Variants in DENND2B observed in about 807,000 individuals in gnomAD.
The protein encoded by DENND2B is DENN domain-containing protein 2B.
In DENND2B, 32 loss-of-function variants were observed where a neutral mutation model predicts 116.0. The observed-to-expected ratio is 0.28, with a 90% CI of 0.21 to 0.37. DENND2B has a LOEUF of 0.37. Among genes scored for constraint, DENND2B ranks in the 10% least tolerant of loss-of-function variants. The pLI is 1.00. For synonymous variants in DENND2B, 588 were observed against 583.9 expected, an observed-to-expected ratio of 1.01 and a Z score of -0.10; for missense variants, 1,276 against 1,477.7, an observed-to-expected ratio of 0.86 and a Z score of 2.24.
At chr11:8,743,542 C>A (rs2050638243) in intron 2 of DENND2B, among the ~76,000 whole-genome samples, 1 of 151,754 alleles carries the variant, frequency 6.6e-6, no homozygotes, top group African/African-American at 2.4e-5. Context: ...AGAGTGAGAC[C>A]CTGTCTCAAA....
At chr11:8,765,587 A>G (rs1017725123) in intron 1 of DENND2B, among the ~76,000 whole-genome samples, 3 of 152,368 alleles carry the variant, frequency 2.0e-5, no homozygotes, top group South Asian at 2.1e-4. Flanking sequence ...GCACTAATCA[A>G]TCTGGTTCCA....
At chr11:8,832,078 G>C (rs2653591) in intron 4 of DENND2B, 2 of 152,022 alleles carry the variant, frequency 1.3e-5, no homozygotes, top group Admixed American at 1.3e-4. Flanking sequence ...CGACTGAGCC[G>C]ACTGTCTCTC....
chr11:8,774,767 C>T (rs1456321944), intron 1 of DENND2B, among the ~76,000 whole-genome samples: 1 of 152,170 alleles, frequency 6.6e-6, no homozygotes, highest in African/African-American at 2.4e-5. Context: ...GACACCTTGC[C>T]TCTTGTCTAT....
intron 14 of DENND2B, among the ~76,000 whole-genome samples, chr11:8,701,379 T>C (rs1423896231): frequency 8.0e-6 from 1 of 124,788 alleles, no homozygotes; most frequent in African/African-American, 3.1e-5. Context: ...ATGAATGACA[T>C]GCCTGGTCAA....
chr11:8,818,715 G>A (rs1294420361), intron 4 of DENND2B, among the ~76,000 whole-genome samples: 1 of 152,204 alleles, frequency 6.6e-6, no homozygotes, highest in East Asian at 1.9e-4. Context: ...ATTCTTTAGA[G>A]AAAGAACTAT....
At chr11:8,742,778 G>A (rs1427043641) in intron 2 of DENND2B, among the ~76,000 whole-genome samples, 2 of 152,228 alleles carry the variant, frequency 1.3e-5, no homozygotes. Context: ...CTTCCAGATT[G>A]TGGTGGCTGG....
chr11:8,841,428 C>T (rs2062620927), intron 3 of DENND2B, among the ~76,000 whole-genome samples: 1 of 152,122 alleles, frequency 6.6e-6, no homozygotes, highest in Admixed American at 6.5e-5. Flanking sequence ...CGCTTGAGCT[C>T]AGGAGTTCGA....
intron 4 of DENND2B, among the ~76,000 whole-genome samples, chr11:8,836,445 G>A (rs763366063): frequency 8.2e-5 from 11 of 133,632 alleles, no homozygotes; most frequent in African/African-American, 2.5e-4. Context: ...TTTCTGAGAC[G>A]GAGTCTTGCT....
intron 3 of DENND2B, chr11:8,857,199 C>G (rs959458904): frequency 6.6e-6 from 1 of 152,174 alleles, no homozygotes; most frequent in East Asian, 1.9e-4. Context: ...AGGTCTCCTC[C>G]TTCTTATCCC....
chr11:8,699,794 G>GGGACAAAGAACTTGT (rs2033122399), intron 14 of DENND2B: 1 of 454,732 alleles, frequency 2.2e-6, no homozygotes, highest in Non-Finnish European at 4.4e-6. Context: ...CTAGGCAAGA[G>GGGACAAAGAACTTGT]GGACAAAGAA....
At chr11:8,843,086 G>A (rs1450987632) in intron 3 of DENND2B, among the ~76,000 whole-genome samples, 3 of 151,910 alleles carry the variant, frequency 2.0e-5, no homozygotes, top group African/African-American at 7.2e-5. Flanking sequence ...GCGCGATCTC[G>A]GCTCACTGCA....
Position 8,717,761 on chromosome 11 carries a change from A to C in DENND2B, c.1609T>G (p.Tyr537Asp). The part of the protein sequence containing the change: ...HRMWSPQDRK[Y>D]NSPPTQLSLK... Reference sequence around the variant, plus strand: ...GTTACCTGTGTGGGCGGGCTGTTGTACTTCCTGTCCTGAGGACTCCACATC... The same window carrying C: ...GTTACCTGTGTGGGCGGGCTGTTGTCCTTCCTGTCCTGAGGACTCCACATC... Residue 537 changes from tyrosine (Y) to aspartate (D), a missense_variant, in exon 5 of 20, where the codon TAC (tyrosine) becomes GAC (aspartate). This residue lies in a region of DENND2B where 856 missense variants were observed against 846.6 expected (regional missense o/e 1.01). Coordinates refer to ENST00000313726, the MANE Select transcript of DENND2B (RefSeq NM_213618.2). 22 of 1,575,036 alleles carry C rather than the reference A, an allele frequency of 1.4e-5. No homozygotes were observed. Among genetic ancestry groups the C allele is most frequent in the Non-Finnish European group, 1.8e-5 (21 of 1,155,236 alleles).
chr11:8,837,040 C>A (rs2062456377), intron 4 of DENND2B, among the ~76,000 whole-genome samples: 1 of 151,532 alleles, frequency 6.6e-6, no homozygotes, highest in African/African-American at 2.4e-5. Context: ...AGGAGAATTT[C>A]TGCCCGACAA....
intron 1 of DENND2B, among the ~76,000 whole-genome samples, chr11:8,764,175 G>A (rs574683312): frequency 2.6e-5 from 4 of 151,708 alleles, no homozygotes; most frequent in Admixed American, 6.6e-5. Flanking sequence ...AGCCAAGATC[G>A]CGCCACTGCA....
rs186554242 is a variant in DENND2B, at chr11:8,751,024, G to C, written c.-25-299C>G. 3.3e-3 allele frequency among the ~76,000 whole-genome samples: 494 copies of C among 151,826 alleles called. 4 individuals carry two copies. The highest frequency in any genetic ancestry group is 0.011 in the African/African-American group (456 of 41,398). ...ACCCTATGTCTAGCTCAGGGTTTGT[G>C]GATGCACCAATCGGCACTCTGTATC... On this transcript the variant is annotated intron_variant, in intron 1 of 19. Coordinates refer to ENST00000313726, the MANE Select transcript of DENND2B (RefSeq NM_213618.2).
intron 3 of DENND2B, among the ~76,000 whole-genome samples, chr11:8,850,626 C>A (rs1241083025): frequency 6.6e-6 from 1 of 152,032 alleles, no homozygotes; most frequent in Non-Finnish European, 1.5e-5. Flanking sequence ...GATTTCTCAA[C>A]AAATTAAAAA....
chr11:8,719,014 C>T, intron 4 of DENND2B: 1 of 986,196 alleles, frequency 1.0e-6, no homozygotes, highest in Non-Finnish European at 1.2e-6. Context: ...GCAGGACTCA[C>T]TCCAGCACCT....
intron 1 of DENND2B, among the ~76,000 whole-genome samples, chr11:8,897,735 C>T (rs1425856369): frequency 1.3e-5 from 2 of 152,128 alleles, no homozygotes; most frequent in African/African-American, 2.4e-5. Flanking sequence ...GAATGTGAAG[C>T]CTTGCATACA....
chr11:8,749,348 T>A lies in DENND2B; in HGVS notation c.80+1273A>T, dbSNP rs2051903078. 2.6e-5 allele frequency among the ~76,000 whole-genome samples: 4 copies of A among 152,220 alleles called. No individual in the cohort carries two copies. In the South Asian group the frequency reaches 8.3e-4, roughly 32 times the overall value. On this transcript the variant is annotated intron_variant, in intron 2 of 19. Transcript: ENST00000313726. Reference sequence around the variant, plus strand: ...AGCTGGTATGCCACCAAGCCCAGTCTAAATGAGAGGGATTGCCTGGGCAAG... The same window carrying A: ...AGCTGGTATGCCACCAAGCCCAGTCAAAATGAGAGGGATTGCCTGGGCAAG...
Sources: allele counts gnomAD v4.1 joint callset (sites outside exome capture counted in the v4.1 genomes callset), GRCh38; gene constraint gnomAD v4.1.1; regional missense constraint gnomAD v4.1.1; transcripts MANE v1.5; gene names NCBI Gene and HGNC (gene_info 2026-07-23, HGNC 2026-07-21).